The following SYNE1 variants were observed in gnomAD, a reference collection of about 807,000 sequenced individuals.
The protein encoded by SYNE1 is nesprin-1.
In SYNE1, 616 loss-of-function variants were observed where a neutral mutation model predicts 1,111.0. That is an observed-to-expected ratio of 0.55 (90% CI 0.52 to 0.59). SYNE1 has a LOEUF of 0.59. Among genes scored for constraint, SYNE1 ranks in the 20% least tolerant of loss-of-function variants. The probability of loss-of-function intolerance (pLI) is 0.00; values close to 1 mark genes in which losing one functional copy is unlikely to be tolerated. For missense variants in SYNE1, 10,006 were observed against 10,417.0 expected (o/e 0.96, Z 1.72); for synonymous variants, 3,855 against 3,825.8 (o/e 1.01, Z -0.28).
chr6:152,204,500 C>T (rs2076135305), intron 126 of SYNE1, among the ~76,000 whole-genome samples: 1 of 151,938 alleles, frequency 6.6e-6, no homozygotes, highest in African/African-American at 2.4e-5. Flanking sequence ...CTATATTTGG[C>T]ATACTTACTA....
chr6:152,365,751 C>G (rs368009762), intron 62 of SYNE1, among the ~76,000 whole-genome samples: 2 of 151,962 alleles, frequency 1.3e-5, no homozygotes, highest in Admixed American at 1.3e-4. Flanking sequence ...TAAGCCACTG[C>G]GCCCGGCCAG....
rs2097283881 is a variant in SYNE1, at chr6:152,376,508, T to C, written c.9197A>G (p.Gln3066Arg). 3 of 1,614,032 alleles carry C rather than the reference T, an allele frequency of 1.9e-6. No homozygotes were observed. The African/African-American group carries it at 4.0e-5, about 22-fold the overall frequency. The change falls in exon 58 of 146, where the codon CAG (glutamine) becomes CGG (arginine). Residue 3066 changes from glutamine to arginine, a missense_variant. Gln to Arg is a conservative substitution (Grantham distance 43). This residue lies in a region of SYNE1 where 4,955 missense variants were observed against 5,017.2 expected (regional missense o/e 0.99). Transcript: ENST00000367255. ...CCTGAAGGCCTTTCGAAATCTTTGC[T>C]GTAAAATCTGTTCTTTATTCTGGCA... Reference protein sequence around the residue: ...KGCQNKEQILQQRFRKAFRDF... With the variant: ...KGCQNKEQILRQRFRKAFRDF...
chr6:152,366,545 T>C (rs2097084115), intron 62 of SYNE1, among the ~76,000 whole-genome samples: 2 of 152,098 alleles, frequency 1.3e-5, no homozygotes, highest in East Asian at 1.9e-4. Flanking sequence ...GGGTTACCTA[T>C]CACACTTCCT....
At chr6:152,462,468 CTCCTGTTTTT>C (rs1395532999) in intron 20 of SYNE1, 1 of 577,484 alleles carries the variant, frequency 1.7e-6, no homozygotes, top group Non-Finnish European at 3.0e-6. Flanking sequence ...CTATAGATGT[CTCCTGTTTTT>C]TCCTAATACT....
rs1335131939 is a variant in SYNE1, at chr6:152,628,363, G to C, written c.-32C>G. The C allele has an allele frequency of 1.2e-6, 2 of 1,611,204 alleles. No homozygotes were observed. The highest frequency in any genetic ancestry group is 2.2e-5 in the East Asian group (1 of 44,852). On this transcript the variant is annotated 5_prime_UTR_variant, in exon 3 of 146. Transcript: ENST00000367255. ...TCCGGAAGCACGAAGCCAACACCAA[G>C]AGACTCTTCACTGGAGGCAGCACAG...
chr6:152,402,820 C>G (rs1591971632), intron 46 of SYNE1, among the ~76,000 whole-genome samples: 1 of 152,158 alleles, frequency 6.6e-6, no homozygotes, highest in African/African-American at 2.4e-5. Context: ...GACTAGAGTA[C>G]ACCAATAACT....
intron 3 of SYNE1, among the ~76,000 whole-genome samples, chr6:152,573,297 G>A (rs2099476322): frequency 1.3e-5 from 2 of 150,424 alleles, no homozygotes; most frequent in East Asian, 2.0e-4. Context: ...TCGTCATTTA[G>A]CATTAGGTAT....
chr6:152,313,974 G>C (rs2095632804), intron 87 of SYNE1, among the ~76,000 whole-genome samples: 2 of 152,020 alleles, frequency 1.3e-5, no homozygotes, highest in African/African-American at 4.8e-5. Flanking sequence ...TTTCATCGTT[G>C]ACTCCTCCCT....
chr6:152,450,880 G>C, intron 26 of SYNE1, 47 bp from the exon 27 acceptor site: 3 of 1,598,158 alleles, frequency 1.9e-6, no homozygotes, highest in Non-Finnish European at 2.6e-6. Context: ...AAGCCACACA[G>C]TACTTCTACA....
intron 63 of SYNE1, chr6:152,363,776 T>A (rs1218411114): frequency 2.2e-6 from 1 of 455,600 alleles, no homozygotes. Context: ...AGCCTCACCC[T>A]GAGGGGCAGC....
intron 10 of SYNE1, among the ~76,000 whole-genome samples, chr6:152,502,225 T>G (rs968451839): frequency 1.4e-4 from 22 of 152,332 alleles, no homozygotes; most frequent in African/African-American, 5.3e-4. Context: ...ATATGTTTGC[T>G]GTCAATAGAT....
chr6:152,546,658 G>A (rs1056313430), intron 3 of SYNE1: 2 of 152,128 alleles, frequency 1.3e-5, no homozygotes, highest in African/African-American at 4.8e-5. Context: ...TGTGATGAAG[G>A]TATATTCCTA....
intron 110 of SYNE1, among the ~76,000 whole-genome samples, chr6:152,235,519 G>A (rs1052700189): frequency 2.6e-5 from 4 of 151,946 alleles, no homozygotes; most frequent in Admixed American, 6.6e-5. Flanking sequence ...GCACCACCAC[G>A]CCTGGCTAAT....
At chr6:152,323,994 T>TAA (rs111494685) in intron 81 of SYNE1, among the ~76,000 whole-genome samples, 24 of 151,616 alleles carry the variant, frequency 1.6e-4, no homozygotes, top group African/African-American at 5.6e-4. Flanking sequence ...GAAAAAGCTT[T>TAA]AAAAAAAAAC....
intron 14 of SYNE1, among the ~76,000 whole-genome samples, chr6:152,473,521 A>G (rs1318465331): frequency 1.3e-5 from 2 of 152,186 alleles, no homozygotes; most frequent in African/African-American, 4.8e-5. Flanking sequence ...CTAACCTGAT[A>G]TATTTTGCTA....
intron 49 of SYNE1, among the ~76,000 whole-genome samples, chr6:152,398,305 A>C (rs1240127962): frequency 6.6e-6 from 1 of 152,216 alleles, no homozygotes; most frequent in Non-Finnish European, 1.5e-5. Flanking sequence ...CACAATAGTC[A>C]TATAATACAG....
Position 152,376,370 on chromosome 6 carries a change from A to G in SYNE1, c.9324+11T>C. 1 of 1,613,714 alleles carries G rather than the reference A, an allele frequency of 6.2e-7. No homozygotes were observed. Among genetic ancestry groups the G allele is most frequent in the Non-Finnish European group, 8.5e-7 (1 of 1,179,710 alleles). On this transcript the variant is annotated intron_variant, in intron 58 of 145. Transcript: ENST00000367255. ...AGCACTGCTACTAGAATTAATTGAT[A>G]ACACCCTTACCTGTATTTTCTGAAG...
chr6:152,363,617 A>G, intron 63 of SYNE1: 1 of 294,688 alleles, frequency 3.4e-6, no homozygotes, highest in South Asian at 2.8e-5. Context: ...TGTAGCAGAC[A>G]CTGTAAGTGC....
At chr6:152,412,743 A>T (rs2098084100) in intron 42 of SYNE1, among the ~76,000 whole-genome samples, 2 of 131,624 alleles carry the variant, frequency 1.5e-5, no homozygotes, top group Non-Finnish European at 3.1e-5. Flanking sequence ...TCAATTACAA[A>T]CAAGTACAAC....
Sources: gnomAD v4.1 joint callset for allele counts (sites outside exome capture counted in the v4.1 genomes callset) on GRCh38, gnomAD v4.1.1 for gene constraint, gnomAD v4.1.1 regional missense constraint, MANE v1.5 for transcripts, NCBI Gene and HGNC (gene_info 2026-07-23, HGNC 2026-07-21) for gene names.